TANC2: variants seen among roughly 807,000 people sequenced by gnomAD.
TANC2 encodes protein TANC2.
Under a neutral mutation model 210.5 loss-of-function variants are expected in TANC2, and 26 were observed. The observed-to-expected ratio is 0.12, with a 90% confidence interval of 0.09 to 0.17. The LOEUF (loss-of-function observed/expected upper bound fraction) is 0.17. Among genes scored for constraint, TANC2 ranks in the 10% least tolerant of loss-of-function variants. The pLI, the probability that TANC2 is intolerant of heterozygous loss-of-function variation, is 1.00. For missense variants in TANC2, 2,129 were observed against 2,608.9 expected, an observed-to-expected ratio of 0.82 and a Z score of 4.01; for synonymous variants, 931 against 967.1, an observed-to-expected ratio of 0.96 and a Z score of 0.69.
Position 63,092,877 on chromosome 17 carries a change from C to T in TANC2, c.140-6298C>T, listed in dbSNP as rs533810012. ...GCAAATATCCAAACTATATTATCAT[C>T]CATGTTTCTTACTTAGTGAAGCGTC... On this transcript the variant is annotated intron_variant, in intron 3 of 27. Transcript: ENST00000689528. Among the ~76,000 whole-genome samples, 9 of 152,198 alleles carry T rather than the reference C, an allele frequency of 5.9e-5. No individual in the cohort carries two copies. In the South Asian group the frequency reaches 1.9e-3, roughly 32 times the overall value.
At chr17:63,353,675 T>TA (rs1023063269) in intron 13 of TANC2, among the ~76,000 whole-genome samples, 4 of 149,148 alleles carry the variant, frequency 2.7e-5, no homozygotes, top group Admixed American at 6.7e-5. Flanking sequence ...AGCTGGGAAA[T>TA]AAAAAAAAGA....
intron 14 of TANC2, among the ~76,000 whole-genome samples, chr17:63,358,376 A>AGAGAGAGTGTGT (rs1470682571): frequency 1.6e-4 from 13 of 80,940 alleles, no homozygotes; most frequent in African/African-American, 3.7e-4. Context: ...AGAGAGAGAG[A>AGAGAGAGTGTGT]GTATGTGTGT....
chr17:63,261,410 G>T (rs765819571), intron 8 of TANC2, among the ~76,000 whole-genome samples: 3 of 152,016 alleles, frequency 2.0e-5, no homozygotes, highest in Non-Finnish European at 4.4e-5. Flanking sequence ...TGGAAGAAAG[G>T]CCTCACAAAG....
chr17:63,319,656 T>C (rs997737635), intron 11 of TANC2, among the ~76,000 whole-genome samples: 4 of 152,230 alleles, frequency 2.6e-5, no homozygotes, highest in Non-Finnish European at 5.9e-5. Flanking sequence ...CAACCGGAAG[T>C]GGTATGTTTT....
At chr17:63,237,890 A>G in exon 8 of TANC2, 1 of 1,567,914 alleles carries the variant, frequency 6.4e-7, no homozygotes, top group Non-Finnish European at 8.7e-7. Flanking sequence ...TAGGATCTGG[A>G]GGAAACATAA....
At chr17:63,105,784 T>A (rs1308517448) in intron 4 of TANC2, among the ~76,000 whole-genome samples, 1 of 151,632 alleles carries the variant, frequency 6.6e-6, no homozygotes, top group Non-Finnish European at 1.5e-5. Flanking sequence ...TAGTCAAGAT[T>A]TATTTCAGCA....
chr17:63,248,097 C>G (rs967651024), intron 8 of TANC2, among the ~76,000 whole-genome samples: 3 of 152,022 alleles, frequency 2.0e-5, no homozygotes, highest in Admixed American at 6.6e-5. Flanking sequence ...AAACCACAAC[C>G]TCTGGTAGCT....
intron 3 of TANC2, among the ~76,000 whole-genome samples, chr17:63,076,881 AAGG>A (rs560212142): frequency 7.5e-4 from 114 of 152,310 alleles, no homozygotes; most frequent in African/African-American, 2.7e-3. Context: ...ATAAGAAACG[AAGG>A]AGGAGTGTTA....
At chr17:63,082,951 A>G (rs1047427876) in intron 3 of TANC2, among the ~76,000 whole-genome samples, 3 of 152,202 alleles carry the variant, frequency 2.0e-5, no homozygotes, top group African/African-American at 7.2e-5. Flanking sequence ...ATACAGCCAA[A>G]TTCTTTGACA....
chr17:63,412,538 G>C lies in TANC2; in HGVS notation c.3899-142G>C. 1 of 768,664 alleles carries C rather than the reference G, an allele frequency of 1.3e-6. No homozygotes were observed. The highest frequency in any genetic ancestry group is 2.4e-4 in the Middle Eastern group (1 of 4,166). 47.6% of individuals were successfully genotyped at this position (768,664 alleles called of 1,614,324 possible). ...GTCCCAGCTGCTCCCCAAGCCCACA[G>C]ACCTATAGACGAGGGTTGGCTGATA... On this transcript the variant is annotated intron_variant, in intron 23 of 27. Coordinates refer to ENST00000689528, the Ensembl canonical transcript of TANC2. The surrounding 1 kb of genome is among the most constrained non-coding windows in gnomAD (Gnocchi z 4.2).
At chr17:62,985,923 T>C (rs1480085154) in intron 1 of TANC2, among the ~76,000 whole-genome samples, 1 of 152,194 alleles carries the variant, frequency 6.6e-6, no homozygotes, top group Non-Finnish European at 1.5e-5. Context: ...TTTCCTTGCT[T>C]TTTCATATTT....
At chr17:63,161,445 A>G (rs1386212703) in intron 5 of TANC2, among the ~76,000 whole-genome samples, 1 of 152,118 alleles carries the variant, frequency 6.6e-6, no homozygotes, top group African/African-American at 2.4e-5. Context: ...TTCCCTCTGC[A>G]TTGCTAAATC....
chr17:63,252,219 CTTCT>C (rs757556319), intron 8 of TANC2, among the ~76,000 whole-genome samples: 3 of 151,610 alleles, frequency 2.0e-5, no homozygotes, highest in South Asian at 2.1e-4. Context: ...CTGTATTAGG[CTTCT>C]TTCTTTTTAA....
intron 17 of TANC2, chr17:63,389,785 A>G (rs2047905087): frequency 1.9e-6 from 1 of 513,064 alleles, no homozygotes; most frequent in Admixed American, 3.3e-5. Context: ...CCGTAACCAC[A>G]AAAAGTTTCT....
At chr17:63,156,535 G>A (rs1201118530) in intron 5 of TANC2, among the ~76,000 whole-genome samples, 2 of 152,102 alleles carry the variant, frequency 1.3e-5, no homozygotes, top group East Asian at 3.8e-4. Context: ...TATGGGATTG[G>A]CCTATCAGGA....
At chr17:63,189,551 C>T (rs1454861119) in intron 5 of TANC2, among the ~76,000 whole-genome samples, 5 of 152,082 alleles carry the variant, frequency 3.3e-5, no homozygotes, top group Non-Finnish European at 5.9e-5. Context: ...CATTTGTATA[C>T]CCTCTTTGGT....
chr17:63,091,423 A>G (rs2037189059), intron 3 of TANC2, among the ~76,000 whole-genome samples: 2 of 152,166 alleles, frequency 1.3e-5, no homozygotes, highest in South Asian at 4.1e-4. Flanking sequence ...TCAGCTTTCT[A>G]CATATGGCTA....
chr17:63,366,998 A>T (rs1365645720), intron 14 of TANC2, among the ~76,000 whole-genome samples: 3 of 152,380 alleles, frequency 2.0e-5, no homozygotes, highest in Middle Eastern at 3.4e-3. Flanking sequence ...GAAGTGGAAA[A>T]GATCAGGATT....
At chr17:63,375,778 A>G (rs1004242477) in intron 14 of TANC2, among the ~76,000 whole-genome samples, 1 of 152,230 alleles carries the variant, frequency 6.6e-6, no homozygotes, top group African/African-American at 2.4e-5. Flanking sequence ...TAATTCAAAA[A>G]GAACAATCTC....
Sources: gnomAD v4.1 joint callset for allele counts (sites outside exome capture counted in the v4.1 genomes callset) on GRCh38, gnomAD v4.1.1 for gene constraint, Gnocchi (gnomAD v3.1) non-coding constraint, MANE v1.5 for transcripts, NCBI Gene and HGNC (gene_info 2026-07-23, HGNC 2026-07-21) for gene names.